The following CDON variants were observed in gnomAD, a reference collection of about 807,000 sequenced individuals.
CDON encodes the protein cell adhesion associated, oncogene regulated, also known as cell adhesion molecule-related/down-regulated by oncogenes.
CDON carries 73 observed loss-of-function variants against 120.9 expected under a neutral mutation model. That is an observed-to-expected ratio of 0.60 (90% confidence interval 0.50 to 0.73). CDON has a LOEUF of 0.73. Among genes scored for constraint, CDON ranks in the 30% least tolerant of loss-of-function variants. The pLI is 0.00. For missense variants in CDON, 1,470 were observed against 1,587.3 expected, an observed-to-expected ratio of 0.93 and a Z score of 1.26; for synonymous variants, 566 against 573.5, an observed-to-expected ratio of 0.99 and a Z score of 0.19.
intron 1 of CDON, among the ~76,000 whole-genome samples, chr11:126,036,100 C>T (rs1483286117): frequency 6.6e-6 from 1 of 152,132 alleles, no homozygotes; most frequent in African/African-American, 2.4e-5. Flanking sequence ...AAAACACAGC[C>T]GCAGATAGAC....
intron 16 of CDON, among the ~76,000 whole-genome samples, chr11:125,982,063 AACC>A (rs558321088): frequency 1.5e-5 from 2 of 129,448 alleles, no homozygotes; most frequent in Non-Finnish European, 3.1e-5. Context: ...GGCTCACTGC[AACC>A]TCTGCCTCCC....
intron 1 of CDON, among the ~76,000 whole-genome samples, chr11:126,029,124 T>C (rs1282192377): frequency 6.6e-6 from 1 of 152,192 alleles, no homozygotes; most frequent in Non-Finnish European, 1.5e-5. Context: ...GTAAGCAAAG[T>C]GTGGATACGA....
At chr11:126,001,668 AAGC>A (rs1946947719) in intron 11 of CDON, 48 bp downstream of exon 11, 2 of 1,558,208 alleles carry the variant, frequency 1.3e-6, no homozygotes, top group African/African-American at 2.7e-5. Context: ...CCAAAATCTG[AAGC>A]AGGTCAGTTA....
At chr11:126,024,152 T>C (rs1591399033) in intron 1 of CDON, among the ~76,000 whole-genome samples, 1 of 152,142 alleles carries the variant, frequency 6.6e-6, no homozygotes, top group East Asian at 1.9e-4. Flanking sequence ...AGGATAGTAA[T>C]GGATGAAGCC....
In CDON at chr11:126,018,315, C is replaced by T; in HGVS notation, c.640+15G>A. 1.2e-6 allele frequency: 2 copies of T among 1,612,092 alleles called. No homozygotes were observed. Among genetic ancestry groups the T allele is most frequent in the East Asian group, 2.2e-5 (1 of 44,866 alleles). ...TCTTCCTCTTCCAGTTACCATTATT[C>T]TCCCAAATACTTACGACTCACAAGG... is the stretch of plus-strand genomic sequence containing the variant. On this transcript the variant is annotated intron_variant, in intron 5 of 19. Coordinates refer to ENST00000531738, the MANE Select transcript of CDON (RefSeq NM_001378964.1).
In CDON at chr11:126,001,788, G is replaced by T. The variant is rs1380130469; in HGVS notation, c.2089C>A (p.Pro697Thr). The T allele has an allele frequency of 6.2e-7, 1 of 1,612,020 alleles. No homozygotes were observed. Among genetic ancestry groups the T allele is most frequent in the Non-Finnish European group, 8.5e-7 (1 of 1,178,080 alleles). The change falls in exon 11 of 20, where the codon CCC becomes ACC. Residue 697 changes from proline (P) to threonine (T), a missense_variant. By Grantham distance (38) the Pro-to-Thr change is conservative. Coordinates refer to ENST00000531738, the MANE Select transcript of CDON (RefSeq NM_001378964.1). ...SSPPVGIPKYPVVSEAANNNF... is the reference protein window; with the variant it reads ...SSPPVGIPKYTVVSEAANNNF... ...TTGTTTGCAGCCTCTGAAACAACGG[G>T]ATACTTAGGGATGCCCACGGGTGGA...
At chr11:126,048,140 G>T (rs547472493) in intron 1 of CDON, among the ~76,000 whole-genome samples, 293 of 152,144 alleles carry the variant, frequency 1.9e-3, no homozygotes, top group Non-Finnish European at 3.4e-3. Context: ...AGCCAGGCAT[G>T]GTGGCACACA....
At position 126,028,833 on chromosome 11, in the gene CDON, G is replaced by GTA. The variant is rs751874778; in HGVS notation, c.-61-5298_-61-5297dup. Among the ~76,000 whole-genome samples the GTA allele has an allele frequency of 4.3e-3, 637 of 149,566 alleles. 2 individuals carry two copies. Among genetic ancestry groups the GTA allele is most frequent in the East Asian group, 0.011 (57 of 5,136 alleles). On this transcript the variant is annotated intron_variant, in intron 1 of 19. Coordinates refer to ENST00000531738, the MANE Select transcript of CDON (RefSeq NM_001378964.1). Reference sequence around the variant, plus strand: ...TATGTGTATATGTATGTGTGTGTGTGTATATATATATATATGTTACTTTTT... The same window carrying GTA: ...TATGTGTATATGTATGTGTGTGTGTGTATATATATATATATATGTTACTTTTT...
chr11:126,040,716 G>A (rs933688623), intron 1 of CDON, among the ~76,000 whole-genome samples: 1 of 149,120 alleles, frequency 6.7e-6, no homozygotes, highest in Non-Finnish European at 1.5e-5. Flanking sequence ...TTGGGAGGCT[G>A]AGGCAGGAGA....
chr11:126,062,576 C>G lies in CDON; in HGVS notation c.-62+3G>C, dbSNP rs1049663667. On this transcript the variant is annotated splice_donor_region_variant and intron_variant, in intron 1 of 19. Transcript: ENST00000531738. Reference sequence around the variant, plus strand: ...CCCTGCGGCGGGACCCCCACCCCCGCACCTCTCCGCGGGGCTGGCTAAGCC... The same window carrying G: ...CCCTGCGGCGGGACCCCCACCCCCGGACCTCTCCGCGGGGCTGGCTAAGCC... 6.6e-5 allele frequency: 10 copies of G among 152,196 alleles called. No homozygotes were observed. Among genetic ancestry groups the G allele is most frequent in the African/African-American group, 2.4e-4 (10 of 41,418 alleles). 9.4% of individuals were successfully genotyped at this position (152,196 alleles called of 1,614,324 possible).
Position 125,981,180 on chromosome 11 carries a change from G to A in CDON, c.3145C>T (p.Leu1049Phe). Residue 1049 changes from leucine (L) to phenylalanine (F), a missense_variant, in exon 17 of 20, where the codon CTT becomes TTT. By Grantham distance (22) the Leu-to-Phe change is conservative. Transcript: ENST00000531738. ...ACTGCATTGGGGACCTTATGGTGAA[G>A]GTGGGAATAGCCACTGCTGAGACCG... ...NGGLSSGYSH[L>F]HHKVPNAVNG... The A allele has an allele frequency of 1.9e-6, 3 of 1,614,166 alleles. 1 individual carries two copies. Among genetic ancestry groups the A allele is most frequent in the Non-Finnish European group, 8.5e-7 (1 of 1,180,028 alleles).
intron 1 of CDON, among the ~76,000 whole-genome samples, chr11:126,041,156 C>T (rs1395184742): frequency 2.0e-5 from 3 of 147,922 alleles, no homozygotes; most frequent in Non-Finnish European, 4.4e-5. Context: ...CGTGCCACTG[C>T]ACTCCAGCCC....
At chr11:126,062,126 GAGAA>G (rs1277308783) in intron 1 of CDON, among the ~76,000 whole-genome samples, 2 of 152,218 alleles carry the variant, frequency 1.3e-5, no homozygotes, top group African/African-American at 2.4e-5. Context: ...TGTGAAGGCA[GAGAA>G]AGATACATTG....
At chr11:125,971,465 C>T (rs1231117443) in intron 18 of CDON, among the ~76,000 whole-genome samples, 1 of 152,092 alleles carries the variant, frequency 6.6e-6, no homozygotes, top group Admixed American at 6.5e-5. Flanking sequence ...CATCGGAGGA[C>T]ATCTGACATC....
At position 125,957,303 on chromosome 11, in the gene CDON, C is replaced by T. The variant is rs1290973552; in HGVS notation, c.*3639G>A. ...AGGGCCTTGATCTCTGCAGTCAGAA[C>T]AGAGGGGTGTGCACAGGGGAGTTTC... On this transcript the variant is annotated 3_prime_UTR_variant, in exon 20 of 20. Transcript: ENST00000531738. 5 of 152,040 alleles carry T rather than the reference C, an allele frequency of 3.3e-5. No homozygotes were observed. The highest frequency in any genetic ancestry group is 7.3e-5 in the Non-Finnish European group (5 of 68,034). 9.4% of individuals were successfully genotyped at this position (152,040 alleles called of 1,614,324 possible).
intron 1 of CDON, among the ~76,000 whole-genome samples, chr11:126,053,548 C>G (rs529788903): frequency 2.6e-5 from 4 of 152,178 alleles, no homozygotes; most frequent in African/African-American, 9.6e-5. Context: ...TGTTTTTACA[C>G]AGAGGGATAA....
chr11:126,051,821 G>C (rs144651019), intron 1 of CDON, among the ~76,000 whole-genome samples: 1,854 of 151,590 alleles, frequency 0.012, 37 homozygotes, highest in African/African-American at 0.042. Flanking sequence ...CTAATTTTTT[G>C]TATTTTTAGT....
At chr11:126,009,291 T>A (rs1250179446) in intron 8 of CDON, among the ~76,000 whole-genome samples, 2 of 152,202 alleles carry the variant, frequency 1.3e-5, no homozygotes, top group Non-Finnish European at 2.9e-5. Context: ...TATGTGCACA[T>A]ACGAACTCTT....
upstream of CDON, chr11:126,062,901 G>C (rs1376439513): frequency 6.6e-6 from 1 of 151,760 alleles, no homozygotes; most frequent in Non-Finnish European, 1.5e-5. Flanking sequence ...GCTCCTCCCC[G>C]CCGGGGAGCG....
Sources: allele counts gnomAD v4.1 joint callset (sites outside exome capture counted in the v4.1 genomes callset), GRCh38; gene constraint gnomAD v4.1.1; transcripts MANE v1.5; gene names NCBI Gene and HGNC (gene_info 2026-07-23, HGNC 2026-07-21).